CACNA2D2: variants seen among roughly 807,000 people sequenced by gnomAD.
CACNA2D2 encodes calcium voltage-gated channel auxiliary subunit alpha2delta 2, also known as voltage-dependent calcium channel subunit alpha-2/delta-2.
In CACNA2D2, 48 loss-of-function variants were observed where a neutral mutation model predicts 166.4. The ratio of observed to expected loss-of-function variants is 0.29; its 90% CI spans 0.23 to 0.37. CACNA2D2 has a LOEUF of 0.37. Ranked by LOEUF, CACNA2D2 falls within the 10% of genes least tolerant of loss-of-function variation. The probability of loss-of-function intolerance (pLI) is 1.00; values close to 1 mark genes in which losing one functional copy is unlikely to be tolerated. For synonymous variants in CACNA2D2, 561 were observed against 573.7 expected (o/e 0.98, Z 0.32); for missense variants, 1,122 against 1,433.0 (o/e 0.78, Z 3.50).
chr3:50,402,943 T>C (rs1194627911), intron 3 of CACNA2D2, among the ~76,000 whole-genome samples: 2 of 152,074 alleles, frequency 1.3e-5, no homozygotes, highest in Non-Finnish European at 2.9e-5. Flanking sequence ...CTGAGTGCTC[T>C]GTGGGGCATG....
At chr3:50,441,047 G>A (rs1040738210) in intron 2 of CACNA2D2, among the ~76,000 whole-genome samples, 2 of 152,062 alleles carry the variant, frequency 1.3e-5, no homozygotes, top group Non-Finnish European at 1.5e-5. Flanking sequence ...TGGCTGCAGA[G>A]GGGCTTGTTG....
Position 50,384,274 on chromosome 3 carries a change from T to TG in CACNA2D2, c.573dup (p.Ile192HisfsTer33). The TG allele has an allele frequency of 6.2e-7, 1 of 1,614,194 alleles. No individual in the cohort carries two copies. The highest frequency in any genetic ancestry group is 8.5e-7 in the Non-Finnish European group (1 of 1,180,022). ...TTGTTCTTGAAGTTTGGGTCCTCGA[T>TG]GAAGTCCAGCCTTAGGGTGCTGGCC... On this transcript the variant is annotated frameshift_variant, in exon 6 of 38. Coordinates refer to ENST00000424201, the MANE Select transcript of CACNA2D2 (RefSeq NM_006030.4). LOFTEE classifies it high-confidence loss of function.
chr3:50,445,112 A>T lies in CACNA2D2; in HGVS notation c.289-10683T>A, dbSNP rs1027356512. On this transcript the variant is annotated intron_variant, in intron 2 of 37. Coordinates refer to ENST00000424201, the MANE Select transcript of CACNA2D2 (RefSeq NM_006030.4). ...GTGGGTGTCCATTCACACCTCAAAA[A>T]GTGGTGTGTGGCCATCTGAGATGTT... is the stretch of plus-strand genomic sequence containing the variant. Among the ~76,000 whole-genome samples the T allele has an allele frequency of 2.0e-5, 3 of 152,186 alleles. No individual in the cohort carries two copies. In the East Asian group the frequency reaches 5.8e-4, roughly 29 times the overall value.
intron 3 of CACNA2D2, among the ~76,000 whole-genome samples, chr3:50,413,820 T>C (rs2106810696): frequency 6.6e-6 from 1 of 152,132 alleles, no homozygotes; most frequent in South Asian, 2.1e-4. Flanking sequence ...GCATTCTAAC[T>C]TGGGTGACAG....
intron 3 of CACNA2D2, among the ~76,000 whole-genome samples, chr3:50,398,167 C>T (rs1478264438): frequency 2.0e-5 from 3 of 152,148 alleles, no homozygotes; most frequent in South Asian, 2.1e-4. Flanking sequence ...CTCTGGAGTG[C>T]CTGCCTGTCT....
rs1704282416 is a variant in CACNA2D2, at chr3:50,366,342, G to A, written c.2638-4C>T. 2 of 1,613,908 alleles carry A rather than the reference G, an allele frequency of 1.2e-6. No individual in the cohort carries two copies. Among genetic ancestry groups the A allele is most frequent in the Non-Finnish European group, 1.7e-6 (2 of 1,179,884 alleles). ...CAATGAGGACACAGAGTAAGTCCTA[G>A]GAGGAAGGGAATGGGGAGGAAAATG... On this transcript the variant is annotated splice_polypyrimidine_tract_variant and splice_region_variant and intron_variant, in intron 30 of 37. Transcript: ENST00000424201. This position sits in a 1 kb window ranked among gnomAD's most constrained non-coding sequence, Gnocchi z 5.9.
chr3:50,439,382 T>C (rs1370626527), intron 2 of CACNA2D2, among the ~76,000 whole-genome samples: 1 of 152,210 alleles, frequency 6.6e-6, no homozygotes, highest in Admixed American at 6.5e-5. Flanking sequence ...ACAGCCCTAA[T>C]CTCTGGAAAA....
intron 4 of CACNA2D2, among the ~76,000 whole-genome samples, chr3:50,388,232 T>C (rs1432196399): frequency 1.3e-5 from 2 of 152,196 alleles, no homozygotes; most frequent in East Asian, 1.9e-4. Flanking sequence ...CTGTGCGTCA[T>C]AATCACCGGC....
At chr3:50,487,693 A>G (rs79722579) in intron 1 of CACNA2D2, among the ~76,000 whole-genome samples, 16 of 152,116 alleles carry the variant, frequency 1.1e-4, no homozygotes, top group Middle Eastern at 3.4e-3. Context: ...AGCCTCCCCA[A>G]TCCGAGAGAA....
chr3:50,367,916 G>A lies in CACNA2D2; in HGVS notation c.2144-14C>T. ...GGAAGTTGTTGCCTGGAACAGGAGGGGAGGGGTGGGGGTGGGGGCATCTTC... is the reference window on the plus strand; with the variant it reads ...GGAAGTTGTTGCCTGGAACAGGAGGAGAGGGGTGGGGGTGGGGGCATCTTC... On this transcript the variant is annotated splice_polypyrimidine_tract_variant and intron_variant, in intron 24 of 37. Coordinates refer to ENST00000424201, the MANE Select transcript of CACNA2D2 (RefSeq NM_006030.4). This position sits in a 1 kb window ranked among gnomAD's most constrained non-coding sequence, Gnocchi z 6.5. The A allele has an allele frequency of 2.0e-6, 3 of 1,512,694 alleles. No individual in the cohort carries two copies. The highest frequency in any genetic ancestry group is 1.7e-5 in the Admixed American group (1 of 57,908). The allele number at this position is 1,512,694 out of a possible 1,614,324, so 93.7% of individuals were successfully genotyped here.
At chr3:50,501,769 T>C (rs970964624) in intron 1 of CACNA2D2, among the ~76,000 whole-genome samples, 13 of 152,136 alleles carry the variant, frequency 8.5e-5, no homozygotes, top group Admixed American at 7.2e-4. Flanking sequence ...AAATAATGCT[T>C]TTGCTTTTTT....
rs2106662416 is a variant in CACNA2D2 at position 50,379,669 on chromosome 3, A to G, written c.993+56T>C. On this transcript the variant is annotated intron_variant, in intron 10 of 37. Coordinates refer to ENST00000424201, the MANE Select transcript of CACNA2D2 (RefSeq NM_006030.4). The surrounding 1 kb of genome is among the most constrained non-coding windows in gnomAD (Gnocchi z 6.5). ...ATTGCATGGGGCTGGTGATGGTCAC[A>G]GGAGCAGGGCAGATGGGGTGACCCA... 2 of 1,611,796 alleles carry G rather than the reference A, an allele frequency of 1.2e-6. No homozygotes were observed. The highest frequency in any genetic ancestry group is 1.7e-4 in the Middle Eastern group (1 of 6,060).
At chr3:50,490,512 C>T (rs1007573155) in intron 1 of CACNA2D2, among the ~76,000 whole-genome samples, 6 of 152,094 alleles carry the variant, frequency 3.9e-5, no homozygotes, top group Non-Finnish European at 7.4e-5. Context: ...CCCAGAGCAG[C>T]CCTTGGTGGC....
chr3:50,413,138 CCT>C (rs1178951121), intron 3 of CACNA2D2, among the ~76,000 whole-genome samples: 2 of 152,150 alleles, frequency 1.3e-5, no homozygotes, highest in African/African-American at 4.8e-5. Context: ...GCCGCTGCCA[CCT>C]CTGTGTTAAA....
At chr3:50,480,491 AG>A (rs1028776257) in intron 1 of CACNA2D2, among the ~76,000 whole-genome samples, 14 of 149,766 alleles carry the variant, frequency 9.3e-5, no homozygotes, top group Non-Finnish European at 1.6e-4. Context: ...GCTTGTGGGG[AG>A]GGGGCACTGC....
intron 23 of CACNA2D2, among the ~76,000 whole-genome samples, chr3:50,369,983 G>C (rs1321480673): frequency 2.6e-5 from 4 of 152,248 alleles, no homozygotes; most frequent in African/African-American, 9.6e-5. Flanking sequence ...AGCAGCAGCT[G>C]CCTGGCGAGG....
At chr3:50,443,956 G>C (rs930165294) in intron 2 of CACNA2D2, among the ~76,000 whole-genome samples, 1 of 152,150 alleles carries the variant, frequency 6.6e-6, no homozygotes, top group Non-Finnish European at 1.5e-5. Flanking sequence ...CATGTGAGAT[G>C]AAACAGTCAT....
At chr3:50,443,282 T>G (rs1408061567) in intron 2 of CACNA2D2, among the ~76,000 whole-genome samples, 4 of 152,048 alleles carry the variant, frequency 2.6e-5, no homozygotes, top group Non-Finnish European at 5.9e-5. Context: ...CTCTGCTCTC[T>G]CCCGCTGCCT....
intron 1 of CACNA2D2, among the ~76,000 whole-genome samples, chr3:50,491,779 C>T (rs997131150): frequency 3.9e-5 from 6 of 152,202 alleles, no homozygotes; most frequent in African/African-American, 1.2e-4. Context: ...GACCCTTGGA[C>T]AGCCCCAGAG....
Sources: allele counts gnomAD v4.1 joint callset (sites outside exome capture counted in the v4.1 genomes callset), GRCh38; gene constraint gnomAD v4.1.1; non-coding constraint Gnocchi (gnomAD v3.1); transcripts MANE v1.5; gene names NCBI Gene and HGNC (gene_info 2026-07-23, HGNC 2026-07-21).